Variants in PCYT1B observed in about 807,000 individuals in gnomAD.
PCYT1B encodes choline-phosphate cytidylyltransferase B.
Under a neutral mutation model 26.4 loss-of-function variants are expected in PCYT1B, and 10 were observed. That is an observed-to-expected ratio of 0.38 (90% CI 0.23 to 0.64). PCYT1B has a LOEUF of 0.64. PCYT1B is among the 30% of genes least tolerant of loss of function. PCYT1B has a pLI of 0.56. For synonymous variants in PCYT1B, 131 were observed against 108.4 expected (o/e 1.21, Z -1.29); for missense variants, 161 against 292.7 (o/e 0.55, Z 3.28).
rs763361658 is a variant in PCYT1B, at chrX:24,632,786, C to T, written c.118-13702G>A. 1.1e-4 allele frequency among the ~76,000 whole-genome samples: 12 copies of T among 111,037 alleles called. No homozygotes were observed. In the East Asian group the frequency reaches 2.8e-3, roughly 26 times the overall value. ...TGGCTGGGAAGTGTGTGTGGGTGAGCGGGGCTAGGGATGAAGAGAGGTTGG... is the reference window on the plus strand; with the variant it reads ...TGGCTGGGAAGTGTGTGTGGGTGAGTGGGGCTAGGGATGAAGAGAGGTTGG... On this transcript the variant is annotated intron_variant, in intron 1 of 7. Transcript: ENST00000379144.
At chrX:24,626,004 C>T (rs1422186546) in intron 1 of PCYT1B, among the ~76,000 whole-genome samples, 1 of 108,586 alleles carries the variant, frequency 9.2e-6, no homozygotes, top group Non-Finnish European at 1.9e-5. Flanking sequence ...ATCCCAGCTA[C>T]TTGGAAGGCT....
intron 1 of PCYT1B, among the ~76,000 whole-genome samples, chrX:24,628,514 A>T (rs1925949604): frequency 9.0e-6 from 1 of 111,595 alleles, no homozygotes. Flanking sequence ...AATTTGGGAA[A>T]GTTAAGAGAG....
chrX:24,591,257 G>T (rs1924557406), intron 3 of PCYT1B, among the ~76,000 whole-genome samples: 1 of 111,487 alleles, frequency 9.0e-6, no homozygotes, highest in Non-Finnish European at 1.9e-5. Flanking sequence ...GGTTGGCCAA[G>T]GCAGCTTTCC....
chrX:24,648,449 A>ATTTTTTTTTTTTTTTT (rs57744798), upstream of PCYT1B, among the ~76,000 whole-genome samples: 1 of 39,723 alleles, frequency 2.5e-5, no homozygotes, highest in African/African-American at 1.4e-4. Context: ...ATTTGAAGGA[A>ATTTTTTTTTTTTTTTT]TTTTTTTTTT....
Position 24,578,672 on chromosome X carries a change from G to T in PCYT1B, c.708+644C>A, listed in dbSNP as rs61761931. Among the ~76,000 whole-genome samples, 338 of 111,578 alleles carry T rather than the reference G, an allele frequency of 3.0e-3. 2 individuals are homozygous for T. The highest frequency in any genetic ancestry group is 0.014 in the Middle Eastern group (3 of 217). ...CTTAATCAAATGAAAATTTTAAAAC[G>T]TTAGAATAAAAAAGTTTCTCTGGGT... is the stretch of plus-strand genomic sequence containing the variant. On this transcript the variant is annotated intron_variant, in intron 6 of 7. Transcript: ENST00000379144.
rs1389522191 is a variant in PCYT1B at position 24,559,724 on chromosome X, A to G, written c.*2569T>C. 1 of 111,908 alleles carries G rather than the reference A, an allele frequency of 8.9e-6. No homozygotes were observed. The highest frequency in any genetic ancestry group is 1.9e-5 in the Non-Finnish European group (1 of 53,220). The allele number at this position is 111,908 out of a possible 1,213,427, so 9.2% of individuals were successfully genotyped here. A position where few individuals can be genotyped will look rare whatever the true frequency, so the allele number is the denominator to read the frequency against. On this transcript the variant is annotated 3_prime_UTR_variant, in exon 8 of 8. Coordinates refer to ENST00000379144, the MANE Select transcript of PCYT1B (RefSeq NM_004845.5). ...TTCCAGCCTTAACTCACTCTTGGCC[A>G]TTACAGTTGACCTGCTGGCCCTAAC...
At chrX:24,666,486 T>C (rs1927129864) in intron 1 of PCYT1B, among the ~76,000 whole-genome samples, 2 of 111,991 alleles carry the variant, frequency 1.8e-5, no homozygotes, top group Non-Finnish European at 3.8e-5. Flanking sequence ...TACTTTTATT[T>C]ATGACTTACA....
chrX:24,651,830 A>G (rs923683307), upstream of PCYT1B, among the ~76,000 whole-genome samples: 1 of 110,132 alleles, frequency 9.1e-6, no homozygotes, highest in African/African-American at 3.3e-5. Context: ...TAGTCTTATA[A>G]TTAGAAAAAA....
intron 1 of PCYT1B, among the ~76,000 whole-genome samples, chrX:24,670,113 A>AAAGGAAGAAAGGAAGGAAGG (rs1927223261): frequency 4.2e-5 from 1 of 23,599 alleles, no homozygotes; most frequent in South Asian, 3.0e-3. Context: ...AGAAAGAAAG[A>AAAGGAAGAAAGGAAGGAAGG]AAGGAAGGAA....
intron 7 of PCYT1B, among the ~76,000 whole-genome samples, chrX:24,571,268 G>A (rs944983265): frequency 1.8e-5 from 2 of 111,307 alleles, no homozygotes; most frequent in African/African-American, 6.5e-5. Flanking sequence ...GGAGGCTGAG[G>A]CAGGAGAATC....
At chrX:24,642,574 G>T (rs947969068) in intron 1 of PCYT1B, among the ~76,000 whole-genome samples, 1 of 111,889 alleles carries the variant, frequency 8.9e-6, no homozygotes, top group African/African-American at 3.2e-5. Context: ...CTAATTGATT[G>T]ATTCCATGCT....
At position 24,670,048 on chromosome X, in the gene PCYT1B, A is replaced by AAAAG. The variant is rs756342863; in HGVS notation, c.63+2518_63+2521dup. On this transcript the variant is annotated intron_variant, in intron 1 of 7. Coordinates refer to the PCYT1B transcript ENST00000379145. ...ACAGAGTAAGACCTTGTCTCAAAAA[A>AAAAG]AAAGAAAGAAAGAAAGAAAGAAAGA... Among the ~76,000 whole-genome samples, 465 of 58,052 alleles carry AAAAG rather than the reference A, an allele frequency of 8.0e-3. 21 individuals are homozygous for AAAAG. The highest frequency in any genetic ancestry group is 0.017 in the Middle Eastern group (2 of 117). 50.4% of individuals were successfully genotyped at this position (58,052 alleles called of 115,157 possible). A position where few individuals can be genotyped will look rare whatever the true frequency, so the allele number is the denominator to read the frequency against.
chrX:24,613,950 CAA>C (rs200062439), intron 2 of PCYT1B, among the ~76,000 whole-genome samples: 3 of 77,219 alleles, frequency 3.9e-5, no homozygotes, highest in East Asian at 7.8e-4. Context: ...AACAACCTGT[CAA>C]AAAAAAAAAA....
chrX:24,624,010 C>G (rs1490971022), intron 1 of PCYT1B, among the ~76,000 whole-genome samples: 2 of 95,001 alleles, frequency 2.1e-5, no homozygotes, highest in African/African-American at 8.0e-5. Context: ...CTCGCTCTGT[C>G]GCCCAGGCTG....
chrX:24,643,292 GA>G (rs35584421), intron 1 of PCYT1B, among the ~76,000 whole-genome samples: 55,319 of 109,797 alleles, frequency 0.5, 10,450 homozygotes, highest in East Asian at 0.69. Context: ...AGATTTCCAA[GA>G]AGGGCTATTA....
upstream of PCYT1B, among the ~76,000 whole-genome samples, chrX:24,651,486 T>A (rs200074085): frequency 0.02 from 541 of 27,357 alleles, 3 homozygotes; most frequent in Non-Finnish European, 0.036. Context: ...TATATATATA[T>A]ATATATATAT....
At chrX:24,626,633 A>G (rs1020680008) in intron 1 of PCYT1B, among the ~76,000 whole-genome samples, 4 of 112,233 alleles carry the variant, frequency 3.6e-5, no homozygotes, top group Non-Finnish European at 7.5e-5. Context: ...AGGGAGGTCT[A>G]TATTAAGAAA....
intron 1 of PCYT1B, among the ~76,000 whole-genome samples, chrX:24,619,988 T>A (rs1366127767): frequency 8.8e-6 from 1 of 113,010 alleles, no homozygotes; most frequent in Non-Finnish European, 1.9e-5. Context: ...GTCTTTGAAC[T>A]GTGCCGTGAT....
upstream of PCYT1B, among the ~76,000 whole-genome samples, chrX:24,651,467 AAAAAAATAT>A (rs1353940128): frequency 1.3e-4 from 4 of 30,437 alleles, no homozygotes; most frequent in African/African-American, 4.8e-4. Flanking sequence ...AAAAAAAAAA[AAAAAAATAT>A]ATATATATAT....
Sources: allele counts gnomAD v4.1 joint callset (sites outside exome capture counted in the v4.1 genomes callset), GRCh38; gene constraint gnomAD v4.1.1; transcripts MANE v1.5; gene names NCBI Gene and HGNC (gene_info 2026-07-23, HGNC 2026-07-21).